Variants in TAF4B observed in about 807,000 individuals in gnomAD.
The protein encoded by TAF4B is TATA-box binding protein associated factor 4b.
A neutral mutation model predicts 86.4 loss-of-function variants in TAF4B; 38 were observed. The ratio of observed to expected loss-of-function variants is 0.44; its 90% CI spans 0.34 to 0.58. TAF4B has a LOEUF of 0.58. Among genes scored for constraint, TAF4B ranks in the 20% least tolerant of loss-of-function variants. TAF4B has a pLI of 0.02. For synonymous variants in TAF4B, 388 were observed against 391.2 expected, an observed-to-expected ratio of 0.99 and a Z score of 0.10; for missense variants, 988 against 1,027.6, an observed-to-expected ratio of 0.96 and a Z score of 0.53.
rs1464475396 is a variant in TAF4B, at chr18:26,282,024, G to A, written c.936G>A (p.Lys312=). ...EFTRKLYVEL[K]SSPQPHLVPF... is the part of the protein sequence containing the mutation. ...CTAGGAAACTGTATGTTGAACTCAA[G>A]TCTTCACCTCAGCCTCACCTGGTTC... The change falls in exon 6 of 15, where the codon AAG becomes AAA. Residue 312 remains lysine (K), a synonymous_variant. Transcript: ENST00000269142. 1 of 1,613,476 alleles carries A rather than the reference G, an allele frequency of 6.2e-7. No individual in the cohort carries two copies. The highest frequency in any genetic ancestry group is 8.5e-7 in the Non-Finnish European group (1 of 1,179,746).
intron 1 of TAF4B, among the ~76,000 whole-genome samples, chr18:26,256,859 C>A (rs865958071): frequency 2.5e-4 from 38 of 149,732 alleles, no homozygotes; most frequent in Admixed American, 2.2e-3. Context: ...AATTTCATTC[C>A]ATTGTAGGTG....
chr18:26,274,376 C>T (rs759042347), intron 3 of TAF4B, among the ~76,000 whole-genome samples: 8 of 152,046 alleles, frequency 5.3e-5, no homozygotes, highest in Non-Finnish European at 1.0e-4. Flanking sequence ...CAGCAGGTAC[C>T]GTTGCAATCC....
intron 9 of TAF4B, among the ~76,000 whole-genome samples, chr18:26,297,931 A>G (rs1465868124): frequency 6.6e-6 from 1 of 151,978 alleles, no homozygotes; most frequent in African/African-American, 2.4e-5. Flanking sequence ...AGTTTCCTAA[A>G]TGGTTATACC....
At chr18:26,255,988 A>G (rs2056078654) in intron 1 of TAF4B, 1 of 1,315,902 alleles carries the variant, frequency 7.6e-7, no homozygotes, top group South Asian at 1.2e-5. Context: ...TGGAGGTGGT[A>G]CTGTGAGCAT....
At chr18:26,267,914 A>T (rs748948017) in intron 3 of TAF4B, among the ~76,000 whole-genome samples, 17 of 152,200 alleles carry the variant, frequency 1.1e-4, no homozygotes, top group African/African-American at 3.6e-4. Flanking sequence ...AATTTGGGAT[A>T]TGTAGGGATA....
intron 14 of TAF4B, among the ~76,000 whole-genome samples, chr18:26,380,318 G>A (rs1195471564): frequency 6.6e-6 from 1 of 152,072 alleles, no homozygotes; most frequent in African/African-American, 2.4e-5. Flanking sequence ...TTCTACTTTA[G>A]CCTCAACCCT....
At position 26,341,412 on chromosome 18, in the gene TAF4B, G is replaced by T. The variant is rs116526197; in HGVS notation, c.2316+6181G>T. ...TTCCAGAGGACTGGAAAGAAAATGAGAAGAAAAAAGAGTGTAAGGATGACA... is the reference window on the plus strand; with the variant it reads ...TTCCAGAGGACTGGAAAGAAAATGATAAGAAAAAAGAGTGTAAGGATGACA... On this transcript the variant is annotated intron_variant, in intron 13 of 14. Transcript: ENST00000269142. 4.1e-3 allele frequency among the ~76,000 whole-genome samples: 627 copies of T among 151,824 alleles called. 2 individuals are homozygous for T. Among genetic ancestry groups the T allele is most frequent in the African/African-American group, 0.015 (604 of 41,430 alleles).
chr18:26,237,194 A>G (rs576191556), intron 1 of TAF4B, among the ~76,000 whole-genome samples: 3 of 152,116 alleles, frequency 2.0e-5, no homozygotes, highest in Non-Finnish European at 2.9e-5. Flanking sequence ...TTATTCTGTC[A>G]TTTACTTGAC....
intron 14 of TAF4B, among the ~76,000 whole-genome samples, chr18:26,362,162 T>C (rs937930510): frequency 1.3e-5 from 2 of 152,196 alleles, no homozygotes; most frequent in African/African-American, 2.4e-5. Flanking sequence ...GTTTGCTTCT[T>C]GACTCTGTTA....
At chr18:26,333,450 T>C (rs1006303136) in intron 12 of TAF4B, among the ~76,000 whole-genome samples, 2 of 152,116 alleles carry the variant, frequency 1.3e-5, no homozygotes, top group African/African-American at 4.8e-5. Flanking sequence ...AGTGGCATGA[T>C]AATAGCTCTC....
intron 9 of TAF4B, among the ~76,000 whole-genome samples, chr18:26,296,686 A>G (rs1014855596): frequency 5.3e-5 from 8 of 152,152 alleles, no homozygotes; most frequent in African/African-American, 1.9e-4. Context: ...AATATTTTCA[A>G]TACACCAAAA....
intron 1 of TAF4B, 42 bp downstream of exon 1, chr18:26,227,318 T>G: frequency 6.3e-7 from 1 of 1,575,342 alleles, no homozygotes; most frequent in South Asian, 1.2e-5. Context: ...TCGGTCCAGC[T>G]GGCGGCGACG....
chr18:26,385,886 A>AC (rs770400080), intron 14 of TAF4B, among the ~76,000 whole-genome samples: 18 of 151,930 alleles, frequency 1.2e-4, no homozygotes, highest in East Asian at 7.7e-4. Flanking sequence ...TGCACTCTCT[A>AC]CCCCCTTGAC....
intron 14 of TAF4B, among the ~76,000 whole-genome samples, chr18:26,358,436 C>G (rs924226772): frequency 1.3e-5 from 2 of 152,146 alleles, no homozygotes; most frequent in South Asian, 2.1e-4. Flanking sequence ...TAGGGCCGGG[C>G]GAGGTGGCTC....
chr18:26,390,987 CTTCT>C lies in TAF4B; in HGVS notation c.*976_*979del, dbSNP rs1978675080. 1 of 152,030 alleles carries C rather than the reference CTTCT, an allele frequency of 6.6e-6. No homozygotes were observed. Among genetic ancestry groups the C allele is most frequent in the African/African-American group, 2.4e-5 (1 of 41,398 alleles). 9.4% of individuals were successfully genotyped at this position (152,030 alleles called of 1,614,324 possible). A position where few individuals can be genotyped will look rare whatever the true frequency, so the allele number is the denominator to read the frequency against. On this transcript the variant is annotated 3_prime_UTR_variant, in exon 15 of 15. Transcript: ENST00000269142. ...ATCCCAAGGATAGTTTTTATAGTTC[CTTCT>C]GTCATAATATATTTTAGTTATCCTA...
At chr18:26,365,282 C>T (rs1442701186) in intron 14 of TAF4B, among the ~76,000 whole-genome samples, 1 of 152,156 alleles carries the variant, frequency 6.6e-6, no homozygotes, top group Non-Finnish European at 1.5e-5. Context: ...GCTGGGATTA[C>T]AGACGTGAGC....
At chr18:26,249,520 A>G (rs1334589044) in intron 1 of TAF4B, among the ~76,000 whole-genome samples, 1 of 152,092 alleles carries the variant, frequency 6.6e-6, no homozygotes, top group Admixed American at 6.5e-5. Flanking sequence ...GTGCTGAAAC[A>G]TTTAATAAAG....
chr18:26,226,955 C>A lies in TAF4B; in HGVS notation c.22C>A (p.Pro8Thr). Residue 8 changes from proline to threonine, a missense_variant, in exon 1 of 15, where the codon CCC becomes ACC. Transcript: ENST00000269142. MPAGLTE[P>T]AGAAPPAAVS... ...GGGGATGCCCGCCGGCCTCACCGAA[C>A]CCGCCGGCGCCGCTCCCCCGGCTGC... is the stretch of plus-strand genomic sequence containing the variant. 2.2e-6 allele frequency: 3 copies of A among 1,379,248 alleles called. No homozygotes were observed. The allele number at this position is 1,379,248 out of a possible 1,614,324, so 85.4% of individuals were successfully genotyped here.
chr18:26,344,432 A>G (rs1431540739), intron 13 of TAF4B, among the ~76,000 whole-genome samples: 1 of 152,150 alleles, frequency 6.6e-6, no homozygotes, highest in East Asian at 1.9e-4. Flanking sequence ...TTTAAAAGGA[A>G]CTTTCAACTT....
Sources: gnomAD v4.1 joint callset for allele counts (sites outside exome capture counted in the v4.1 genomes callset) on GRCh38, gnomAD v4.1.1 for gene constraint, MANE v1.5 for transcripts, NCBI Gene and HGNC (gene_info 2026-07-23, HGNC 2026-07-21) for gene names.